PHACTR4: variants seen among roughly 807,000 people sequenced by gnomAD.
PHACTR4 encodes phosphatase and actin regulator 4.
PHACTR4 carries 51 observed loss-of-function variants against 72.7 expected under a neutral mutation model. The ratio of observed to expected loss-of-function variants is 0.70; its 90% CI spans 0.56 to 0.89. PHACTR4 has a LOEUF of 0.89. Ranked by LOEUF, PHACTR4 falls within the 40% of genes least tolerant of loss-of-function variation. The probability of loss-of-function intolerance (pLI) is 0.00; values close to 1 mark genes in which losing one functional copy is unlikely to be tolerated. For missense variants in PHACTR4, 731 were observed against 861.8 expected (o/e 0.85, Z 1.90); for synonymous variants, 255 against 302.5 (o/e 0.84, Z 1.63).
intron 4 of PHACTR4, 150 bp from the exon 5 acceptor site, chr1:28,465,535 G>T: frequency 1.4e-6 from 1 of 696,066 alleles, no homozygotes; most frequent in Admixed American, 2.7e-5. Flanking sequence ...CTGATTGCTT[G>T]AGCCCAGGAG....
At chr1:28,388,978 C>CT (rs1652792959) in intron 1 of PHACTR4, among the ~76,000 whole-genome samples, 3 of 151,994 alleles carry the variant, frequency 2.0e-5, no homozygotes, top group Admixed American at 6.6e-5. Flanking sequence ...GATTATGACC[C>CT]CAAAAGCACA....
At chr1:28,377,707 A>G (rs946717534) in intron 1 of PHACTR4, among the ~76,000 whole-genome samples, 2 of 151,884 alleles carry the variant, frequency 1.3e-5, no homozygotes, top group Non-Finnish European at 2.9e-5. Flanking sequence ...GCACGCTTCT[A>G]TGAGTCCCAG....
chr1:28,498,699 T>C lies in PHACTR4; in HGVS notation c.*2150T>C, dbSNP rs1431712252. The C allele has an allele frequency of 3.9e-5, 6 of 152,296 alleles. No homozygotes were observed. The highest frequency in any genetic ancestry group is 6.5e-5 in the Admixed American group (1 of 15,282). 9.4% of individuals were successfully genotyped at this position (152,296 alleles called of 1,614,324 possible). A position where few individuals can be genotyped will look rare whatever the true frequency, so the allele number is the denominator to read the frequency against. ...TGATTTATTCTGTGGGTCCCTGTTA[T>C]CTGTTCTTTATGTAATCTTTCAGTA... On this transcript the variant is annotated 3_prime_UTR_variant, in exon 14 of 14. Coordinates refer to ENST00000373839, the MANE Select transcript of PHACTR4 (RefSeq NM_001048183.3).
Position 28,459,091 on chromosome 1 carries a change from C to A in PHACTR4, c.23C>A (p.Ala8Glu). Residue 8 changes from alanine to glutamate, a missense_variant, in exon 3 of 14, where the codon GCA becomes GAA. Coordinates refer to ENST00000373839, the MANE Select transcript of PHACTR4 (RefSeq NM_001048183.3). Reference protein sequence around the residue: MEDPFEEADQPTTEPGMV... With the variant: MEDPFEEEDQPTTEPGMV... ...TCTTCTTTTCATGTAACAGAGGAAG[C>A]AGACCAGCCCACTACAGAGCCAGGC... is the stretch of plus-strand genomic sequence containing the variant. 1.3e-6 allele frequency: 2 copies of A among 1,593,566 alleles called. No homozygotes were observed. Among genetic ancestry groups the A allele is most frequent in the Non-Finnish European group, 8.5e-7 (1 of 1,171,114 alleles).
intron 2 of PHACTR4, among the ~76,000 whole-genome samples, chr1:28,454,614 A>C (rs1400120748): frequency 6.6e-6 from 1 of 152,128 alleles, no homozygotes; most frequent in Non-Finnish European, 1.5e-5. Flanking sequence ...TTACTGATAG[A>C]GCAAACAGAC....
intron 3 of PHACTR4, among the ~76,000 whole-genome samples, chr1:28,459,632 G>T (rs191099330): frequency 1.6e-3 from 240 of 151,978 alleles, no homozygotes; most frequent in Non-Finnish European, 2.9e-3. Context: ...GAACTCCTGG[G>T]CTCAAGCGAT....
chr1:28,472,162 G>C (rs984922553), intron 6 of PHACTR4, among the ~76,000 whole-genome samples: 1 of 150,662 alleles, frequency 6.6e-6, no homozygotes, highest in South Asian at 2.1e-4. Context: ...GCAGTGAGCC[G>C]AGATGGCACC....
intron 2 of PHACTR4, among the ~76,000 whole-genome samples, chr1:28,419,132 C>T (rs1051823545): frequency 6.7e-6 from 1 of 150,374 alleles, no homozygotes; most frequent in African/African-American, 2.5e-5. Context: ...TTGGTGCCCG[C>T]CCCCATGCCC....
intron 9 of PHACTR4, 25 bp downstream of exon 9, chr1:28,480,629 G>A: frequency 6.2e-7 from 1 of 1,612,668 alleles, no homozygotes. Context: ...AGATTTGCTT[G>A]ATTGATTTGG....
At chr1:28,438,557 T>C in intron 2 of PHACTR4, 1 of 1,022,710 alleles carries the variant, frequency 9.8e-7, no homozygotes, top group East Asian at 2.8e-5. Flanking sequence ...AATGTTTATG[T>C]TTGTGAAGAA....
rs1370401426 is a variant in PHACTR4 at position 28,466,568 on chromosome 1, C to T, written c.623C>T (p.Pro208Leu). The T allele has an allele frequency of 6.2e-7, 1 of 1,614,076 alleles. No homozygotes were observed. The highest frequency in any genetic ancestry group is 8.5e-7 in the Non-Finnish European group (1 of 1,180,024). The stretch of plus-strand genomic sequence containing the variant: ...ATCTCCACCTCCATCACCACAGCAC[C>T]CGCTGCCACCACTGCTGCCACAAGC... ...FIISTSITTA[P>L]AATTAATSLA... is the part of the protein sequence containing the mutation. Residue 208 changes from proline (P) to leucine (L), a missense_variant, in exon 6 of 14, where the codon CCC (proline) becomes CTC (leucine). By Grantham distance (98) the Pro-to-Leu change is moderately conservative. Coordinates refer to ENST00000373839, the MANE Select transcript of PHACTR4 (RefSeq NM_001048183.3).
chr1:28,463,206 T>A (rs573214382), intron 4 of PHACTR4, among the ~76,000 whole-genome samples: 175 of 151,442 alleles, frequency 1.2e-3, no homozygotes, highest in African/African-American at 2.2e-3. Flanking sequence ...TTTTTTTTTT[T>A]AAAAAAAGGT....
At chr1:28,418,011 A>G (rs1283346826) in intron 2 of PHACTR4, among the ~76,000 whole-genome samples, 3 of 151,650 alleles carry the variant, frequency 2.0e-5, no homozygotes, top group Non-Finnish European at 4.4e-5. Context: ...GGTGGCACAC[A>G]TCTATAGTCC....
At chr1:28,486,644 A>G (rs1660661331) in intron 9 of PHACTR4, among the ~76,000 whole-genome samples, 1 of 152,076 alleles carries the variant, frequency 6.6e-6, no homozygotes. Context: ...AGGTAGGAAG[A>G]TCACTTAACG....
intron 1 of PHACTR4, among the ~76,000 whole-genome samples, chr1:28,374,407 A>G (rs1226009503): frequency 6.6e-6 from 1 of 152,220 alleles, no homozygotes; most frequent in Non-Finnish European, 1.5e-5. Context: ...ACCTGCAGTT[A>G]AGTCTTGGAT....
At chr1:28,374,235 A>C (rs1168537072) in intron 1 of PHACTR4, among the ~76,000 whole-genome samples, 1 of 152,222 alleles carries the variant, frequency 6.6e-6, no homozygotes, top group African/African-American at 2.4e-5. Context: ...AAGGTTTATT[A>C]AATATGTTGG....
chr1:28,491,776 C>G lies in PHACTR4; in HGVS notation c.2005C>G (p.Pro669Ala), dbSNP rs747719789. Reference protein sequence around the residue: ...RADKPWTKLTPADKAAIRKEL... With the variant: ...RADKPWTKLTAADKAAIRKEL... Reference sequence around the variant, plus strand: ...CGACAAACCTTGGACCAAACTGACCCCTGCTGACAAGGTACCTGGAAAGCA... The same window carrying G: ...CGACAAACCTTGGACCAAACTGACCGCTGCTGACAAGGTACCTGGAAAGCA... Residue 669 changes from proline to alanine, a missense_variant, in exon 12 of 14, where the codon CCT becomes GCT. By Grantham distance (27) the Pro-to-Ala change is conservative. Coordinates refer to ENST00000373839, the MANE Select transcript of PHACTR4 (RefSeq NM_001048183.3). The G allele has an allele frequency of 1.2e-6, 2 of 1,613,232 alleles. No homozygotes were observed. The highest frequency in any genetic ancestry group is 4.5e-5 in the East Asian group (2 of 44,872).
intron 13 of PHACTR4, among the ~76,000 whole-genome samples, chr1:28,493,550 AAAAAT>A (rs944901107): frequency 1.3e-5 from 2 of 151,974 alleles, no homozygotes; most frequent in Admixed American, 6.6e-5. Context: ...AAAAAAAAAA[AAAAAT>A]AAGTAAATGT....
chr1:28,402,512 G>C (rs964061301), intron 1 of PHACTR4, among the ~76,000 whole-genome samples: 12 of 152,140 alleles, frequency 7.9e-5, no homozygotes, highest in Non-Finnish European at 1.8e-4. Flanking sequence ...AACACTTTGG[G>C]AGGCCAAGAT....
Sources: gnomAD v4.1 joint callset for allele counts (sites outside exome capture counted in the v4.1 genomes callset) on GRCh38, gnomAD v4.1.1 for gene constraint, MANE v1.5 for transcripts, NCBI Gene and HGNC (gene_info 2026-07-23, HGNC 2026-07-21) for gene names.